The following LRRC69 variants were observed in gnomAD, a reference collection of about 807,000 sequenced individuals.
LRRC69 encodes leucine rich repeat containing 69, also known as leucine-rich repeat-containing protein 69.
LRRC69 carries 42 observed loss-of-function variants against 37.8 expected under a neutral mutation model. The observed-to-expected ratio is 1.11, with a 90% CI of 0.87 to 1.44. LRRC69 has a LOEUF of 1.44. Ranked by LOEUF, LRRC69 falls within the 40% of genes most tolerant of loss-of-function variation. LRRC69 has a pLI of 0.00. For synonymous variants in LRRC69, 141 were observed against 143.1 expected, an observed-to-expected ratio of 0.99 and a Z score of 0.11; for missense variants, 357 against 401.9, an observed-to-expected ratio of 0.89 and a Z score of 0.96.
chr8:91,149,049 T>C (rs1287799549), intron 5 of LRRC69, among the ~76,000 whole-genome samples: 1 of 151,076 alleles, frequency 6.6e-6, no homozygotes, highest in African/African-American at 2.4e-5. Context: ...TTCACTCTGA[T>C]GGTACTTTGT....
chr8:91,196,988 C>A (rs939178172), intron 6 of LRRC69, among the ~76,000 whole-genome samples: 4 of 151,408 alleles, frequency 2.6e-5, no homozygotes, highest in Non-Finnish European at 4.4e-5. Flanking sequence ...TACTTTTGGT[C>A]TTTGATGATG....
At chr8:91,202,104 A>G (rs1321856908) in intron 7 of LRRC69, among the ~76,000 whole-genome samples, 1 of 152,028 alleles carries the variant, frequency 6.6e-6, no homozygotes, top group Non-Finnish European at 1.5e-5. Context: ...TTCTTGGGAG[A>G]CTGAGACAGG....
chr8:91,103,363 C>G (rs918024983), intron 1 of LRRC69, among the ~76,000 whole-genome samples: 5 of 150,770 alleles, frequency 3.3e-5, no homozygotes, highest in African/African-American at 1.2e-4. Context: ...ATTTATTTCT[C>G]CTGAAATAGT....
intron 1 of LRRC69, among the ~76,000 whole-genome samples, chr8:91,123,316 G>C (rs1282968158): frequency 1.3e-5 from 2 of 152,000 alleles, no homozygotes; most frequent in African/African-American, 4.8e-5. Flanking sequence ...ATAGCTACAT[G>C]AATGTATTTT....
intron 5 of LRRC69, chr8:91,158,831 A>G: frequency 1.5e-6 from 1 of 689,158 alleles, no homozygotes; most frequent in Admixed American, 2.2e-5. Context: ...TGTAAAATAG[A>G]ATGTTACTTT....
intron 7 of LRRC69, among the ~76,000 whole-genome samples, chr8:91,207,418 A>G (rs1387468985): frequency 6.6e-6 from 1 of 152,222 alleles, no homozygotes; most frequent in Non-Finnish European, 1.5e-5. Context: ...CAAGGCTTTC[A>G]GACAAGAAAG....
intron 5 of LRRC69, among the ~76,000 whole-genome samples, chr8:91,145,457 C>T (rs1330240072): frequency 2.6e-5 from 4 of 151,876 alleles, no homozygotes; most frequent in Non-Finnish European, 5.9e-5. Flanking sequence ...TTTATTTTCT[C>T]TGTTTAATGT....
chr8:91,108,520 A>G (rs965782793), intron 1 of LRRC69, among the ~76,000 whole-genome samples: 1 of 152,036 alleles, frequency 6.6e-6, no homozygotes, highest in African/African-American at 2.4e-5. Flanking sequence ...GTGTTGTACT[A>G]TGAGTCTCTA....
At chr8:91,169,164 A>C (rs1391342057) in intron 5 of LRRC69, among the ~76,000 whole-genome samples, 1 of 151,938 alleles carries the variant, frequency 6.6e-6, no homozygotes. Flanking sequence ...CAGAAAACTA[A>C]ATACTGCATG....
chr8:91,158,286 T>A, intron 5 of LRRC69: 1 of 1,517,648 alleles, frequency 6.6e-7, no homozygotes. Context: ...AGACATTACT[T>A]GAAAGTATTC....
intron 5 of LRRC69, among the ~76,000 whole-genome samples, chr8:91,167,362 C>G (rs757052381): frequency 1.7e-4 from 26 of 151,590 alleles, no homozygotes; most frequent in Non-Finnish European, 3.5e-4. Flanking sequence ...TCTAGTGAGA[C>G]TTATTCACTA....
At chr8:91,115,815 C>T (rs1295414778) in intron 1 of LRRC69, among the ~76,000 whole-genome samples, 1 of 151,758 alleles carries the variant, frequency 6.6e-6, no homozygotes. Context: ...TGAAACAAAG[C>T]TGACCCTGGA....
At chr8:91,154,950 A>G (rs943633878) in intron 5 of LRRC69, among the ~76,000 whole-genome samples, 2 of 151,718 alleles carry the variant, frequency 1.3e-5, no homozygotes, top group Admixed American at 1.3e-4. Context: ...TTTGCAGATG[A>G]CACGATCCTA....
intron 4 of LRRC69, among the ~76,000 whole-genome samples, chr8:91,134,962 G>A (rs1293971759): frequency 6.6e-6 from 1 of 152,000 alleles, no homozygotes; most frequent in African/African-American, 2.4e-5. Context: ...GAAAAAGACA[G>A]CAACAAATAT....
At chr8:91,188,175 A>T (rs972187225) in intron 5 of LRRC69, among the ~76,000 whole-genome samples, 1 of 152,218 alleles carries the variant, frequency 6.6e-6, no homozygotes, top group Non-Finnish European at 1.5e-5. Flanking sequence ...ACTCAAGGTG[A>T]TACCAACATA....
chr8:91,215,154 T>C (rs1390545112), intron 7 of LRRC69, among the ~76,000 whole-genome samples: 1 of 152,142 alleles, frequency 6.6e-6, no homozygotes, highest in Non-Finnish European at 1.5e-5. Context: ...CAACTTGCAA[T>C]GTCCCTTTTG....
chr8:91,127,429 C>T (rs1257111369), intron 3 of LRRC69, among the ~76,000 whole-genome samples: 1 of 151,824 alleles, frequency 6.6e-6, no homozygotes, highest in Non-Finnish European at 1.5e-5. Flanking sequence ...GATTTCCCAA[C>T]TCTGAGGTTC....
At chr8:91,124,519 C>A in exon 2 of LRRC69, 1 of 1,540,124 alleles carries the variant, frequency 6.5e-7, no homozygotes, top group Non-Finnish European at 8.8e-7. Context: ...TGGGAAACAA[C>A]CTTTTAGAAG....
intron 5 of LRRC69, chr8:91,157,341 T>G: frequency 1.2e-6 from 2 of 1,608,802 alleles, no homozygotes; most frequent in Non-Finnish European, 1.7e-6. Flanking sequence ...ATGAATGGAC[T>G]GTCCCCAAAG....
Sources: gnomAD v4.1 joint callset for allele counts (sites outside exome capture counted in the v4.1 genomes callset) on GRCh38, gnomAD v4.1.1 for gene constraint, MANE v1.5 for transcripts, NCBI Gene and HGNC (gene_info 2026-07-23, HGNC 2026-07-21) for gene names.